Variants in ABCA1 observed in about 807,000 individuals in gnomAD.
ABCA1 encodes the protein phospholipid-transporting ATPase ABCA1.
In ABCA1, 133 loss-of-function variants were observed where a neutral mutation model predicts 262.5. The observed-to-expected ratio is 0.51, with a 90% confidence interval of 0.44 to 0.59. ABCA1 has a LOEUF of 0.59. Among genes scored for constraint, ABCA1 ranks in the 20% least tolerant of loss-of-function variants. The probability of loss-of-function intolerance (pLI) is 0.00; values close to 1 mark genes in which losing one functional copy is unlikely to be tolerated. For synonymous variants in ABCA1, 1,022 were observed against 1,043.5 expected (o/e 0.98, Z 0.40); for missense variants, 2,452 against 2,777.5 (o/e 0.88, Z 2.63).
At chr9:104,797,300 C>G (rs554579058) in intron 37 of ABCA1, among the ~76,000 whole-genome samples, 1 of 152,082 alleles carries the variant, frequency 6.6e-6, no homozygotes, top group Non-Finnish European at 1.5e-5. Flanking sequence ...AAATAAAACC[C>G]ATGTAATTTA....
chr9:104,857,335 C>T (rs533285776), intron 7 of ABCA1, among the ~76,000 whole-genome samples: 29 of 152,154 alleles, frequency 1.9e-4, no homozygotes, highest in African/African-American at 5.8e-4. Context: ...TAGGCTCAAG[C>T]GATCCTCCTG....
At chr9:104,909,988 A>G (rs972309828) in intron 1 of ABCA1, among the ~76,000 whole-genome samples, 3 of 152,224 alleles carry the variant, frequency 2.0e-5, no homozygotes, top group African/African-American at 7.2e-5. Flanking sequence ...AGCTACCAGA[A>G]GCTGTTTGCT....
intron 49 of ABCA1, among the ~76,000 whole-genome samples, chr9:104,784,974 C>T (rs956539768): frequency 3.2e-4 from 49 of 152,102 alleles, no homozygotes; most frequent in Non-Finnish European, 2.9e-4. Flanking sequence ...GCCCCCCACC[C>T]CTACATCACC....
chr9:104,874,096 C>T (rs1364598000), intron 5 of ABCA1, among the ~76,000 whole-genome samples: 3 of 152,306 alleles, frequency 2.0e-5, no homozygotes, highest in East Asian at 3.9e-4. Flanking sequence ...TTTCAAAAAT[C>T]AAACCAGAAT....
chr9:104,796,469 A>G, intron 37 of ABCA1, 45 bp from the exon 38 acceptor site: 1 of 1,439,110 alleles, frequency 6.9e-7, no homozygotes, highest in Non-Finnish European at 9.7e-7. Flanking sequence ...TAAATCAAAT[A>G]TACAATGCAT....
intron 11 of ABCA1, among the ~76,000 whole-genome samples, chr9:104,836,376 C>T (rs1391692720): frequency 1.3e-5 from 2 of 152,182 alleles, no homozygotes; most frequent in Non-Finnish European, 2.9e-5. Context: ...TAACTCAGCC[C>T]AAGGCAGGAA....
rs570240393 is a variant in ABCA1 at position 104,830,615 on chromosome 9, G to A, written c.1892+310C>T. ...TGAGGCAGGAGAATAGCTTGAACCCGGGAGGCAAAGGTTGCAGTGAGCCGA... is the reference window on the plus strand; with the variant it reads ...TGAGGCAGGAGAATAGCTTGAACCCAGGAGGCAAAGGTTGCAGTGAGCCGA... On this transcript the variant is annotated intron_variant, in intron 14 of 49. Transcript: ENST00000374736. Among the ~76,000 whole-genome samples the A allele has an allele frequency of 1.9e-3, 286 of 152,094 alleles. 1 individual carries two copies. Among genetic ancestry groups the A allele is most frequent in the African/African-American group, 6.6e-3 (273 of 41,460 alleles).
intron 3 of ABCA1, among the ~76,000 whole-genome samples, 178 bp from the exon 4 acceptor site, chr9:104,884,746 AT>A (rs1180062478): frequency 6.6e-6 from 1 of 152,196 alleles, no homozygotes; most frequent in Non-Finnish European, 1.5e-5. Context: ...CTCACATGCC[AT>A]TCTTAATCTA....
chr9:104,795,503 C>T (rs890507704), intron 39 of ABCA1, among the ~76,000 whole-genome samples: 2 of 152,212 alleles, frequency 1.3e-5, no homozygotes, highest in Middle Eastern at 3.4e-3. Context: ...CTTGGGCAAC[C>T]GAGTGGATGG....
intron 14 of ABCA1, among the ~76,000 whole-genome samples, chr9:104,830,167 T>C (rs1223391738): frequency 6.6e-6 from 1 of 152,254 alleles, no homozygotes; most frequent in Non-Finnish European, 1.5e-5. Flanking sequence ...TGAAAGATTT[T>C]CTAAAAAGTC....
intron 36 of ABCA1, chr9:104,799,472 A>C (rs1830158130): frequency 1.0e-6 from 1 of 984,608 alleles, no homozygotes; most frequent in African/African-American, 1.8e-5. Context: ...AGCTAATAAA[A>C]ACATATTCCA....
intron 48 of ABCA1, among the ~76,000 whole-genome samples, chr9:104,785,960 C>G (rs1372262294): frequency 1.3e-5 from 2 of 152,202 alleles, no homozygotes; most frequent in Non-Finnish European, 2.9e-5. Flanking sequence ...GGCCAGGATG[C>G]AAACCCATTT....
chr9:104,797,166 A>G (rs1829971575), intron 37 of ABCA1, among the ~76,000 whole-genome samples: 1 of 152,242 alleles, frequency 6.6e-6, no homozygotes, highest in African/African-American at 2.4e-5. Flanking sequence ...ACCCAGGAAG[A>G]CAAGAGATGG....
chr9:104,884,300 C>A, intron 4 of ABCA1, 127 bp downstream of exon 4: 1 of 1,246,354 alleles, frequency 8.0e-7, no homozygotes, highest in East Asian at 2.5e-5. Context: ...TCTGCAGACT[C>A]TATCACACAA....
intron 28 of ABCA1, 49 bp from the exon 29 acceptor site, chr9:104,810,973 T>A (rs753968596): frequency 1.9e-6 from 3 of 1,613,028 alleles, no homozygotes; most frequent in Admixed American, 1.7e-5. Context: ...AAACGGCAAG[T>A]GTTAGAAACA....
At position 104,786,876 on chromosome 9, in the gene ABCA1, T is replaced by C. The variant is rs1250083822; in HGVS notation, c.6305A>G (p.His2102Arg). ...KEGRSVVLTS[H>R]SMEECEALCT... ...AACCCAAGACTTTACTACGGACCTA[T>C]GAGATGTAAGCACTACTGATCTCCC... Residue 2102 changes from histidine to arginine, a missense_variant, in exon 47 of 50, where the codon CAT (histidine) becomes CGT (arginine). By Grantham distance (29) the His-to-Arg change is conservative. Coordinates refer to ENST00000374736, the MANE Select transcript of ABCA1 (RefSeq NM_005502.4). 6.2e-7 allele frequency: 1 copy of C among 1,604,458 alleles called. No homozygotes were observed. The highest frequency in any genetic ancestry group is 8.5e-7 in the Non-Finnish European group (1 of 1,171,340).
chr9:104,913,654 T>A (rs10991403), intron 1 of ABCA1, among the ~76,000 whole-genome samples: 29 of 152,246 alleles, frequency 1.9e-4, no homozygotes, highest in Non-Finnish European at 8.8e-5. Flanking sequence ...TTGCCACTTC[T>A]GACCATTGTT....
At chr9:104,901,481 G>A (rs77083720) in intron 2 of ABCA1, among the ~76,000 whole-genome samples, 3,937 of 152,220 alleles carry the variant, frequency 0.026, 149 homozygotes, top group African/African-American at 0.076. Context: ...AAACCATGGC[G>A]GAGACAATTT....
chr9:104,858,474 C>T, intron 7 of ABCA1, 48 bp downstream of exon 7: 4 of 1,585,580 alleles, frequency 2.5e-6, no homozygotes, highest in Non-Finnish European at 3.5e-6. Context: ...GCCTCACATT[C>T]CGAAAGCATT....
Sources: allele counts gnomAD v4.1 joint callset (sites outside exome capture counted in the v4.1 genomes callset), GRCh38; gene constraint gnomAD v4.1.1; transcripts MANE v1.5; gene names NCBI Gene and HGNC (gene_info 2026-07-23, HGNC 2026-07-21).